Variants in NFATC2IP observed in about 807,000 individuals in gnomAD.
NFATC2IP encodes the protein nuclear factor of activated T cells 2 interacting protein, also known as NFATC2-interacting protein.
A neutral mutation model predicts 40.2 loss-of-function variants in NFATC2IP; 25 were observed. The ratio of observed to expected loss-of-function variants is 0.62; its 90% CI spans 0.45 to 0.87. NFATC2IP has a LOEUF of 0.87. NFATC2IP is among the 40% of genes least tolerant of loss of function. The pLI is 0.00. For missense variants in NFATC2IP, 553 were observed against 555.6 expected (o/e 1.00, Z 0.05); for synonymous variants, 241 against 236.3 (o/e 1.02, Z -0.18).
rs763388614 is a variant in NFATC2IP, at chr16:28,952,093, G to T, written c.388-39G>T. 4 of 1,612,886 alleles carry T rather than the reference G, an allele frequency of 2.5e-6. No homozygotes were observed. The South Asian group carries it at 4.4e-5, about 18-fold the overall frequency. ...CAATTTTTTCTTTCGGTAGGGGAAGGACTTGGGCCTGACCCCTCTCCCTTC... is the reference window on the plus strand; with the variant it reads ...CAATTTTTTCTTTCGGTAGGGGAAGTACTTGGGCCTGACCCCTCTCCCTTC... On this transcript the variant is annotated intron_variant, in intron 1 of 7. Transcript: ENST00000320805.
chr16:28,961,761 A>G (rs1308812173), intron 7 of NFATC2IP, among the ~76,000 whole-genome samples: 1 of 151,916 alleles, frequency 6.6e-6, no homozygotes, highest in Non-Finnish European at 1.5e-5. Flanking sequence ...TTAGCCGGGC[A>G]TGGTGGCATG....
chr16:28,956,535 CTCTT>C (rs1965024299), intron 5 of NFATC2IP, 198 bp downstream of exon 5: 4 of 574,604 alleles, frequency 7.0e-6, no homozygotes, highest in Non-Finnish European at 1.2e-5. Flanking sequence ...ACGCTCCCCT[CTCTT>C]TCTGGCAAAC....
chr16:28,961,901 A>G (rs1263077680), intron 7 of NFATC2IP, among the ~76,000 whole-genome samples: 1 of 114,672 alleles, frequency 8.7e-6, no homozygotes, highest in African/African-American at 6.4e-5. Flanking sequence ...CTTCGTCTCA[A>G]AAAAAAAAAA....
chr16:28,957,277 C>T (rs1195955291), intron 5 of NFATC2IP, among the ~76,000 whole-genome samples: 3 of 151,806 alleles, frequency 2.0e-5, no homozygotes, highest in Non-Finnish European at 4.4e-5. Context: ...CAAGTGTTCC[C>T]CTGTCTCAGC....
chr16:28,960,711 G>A (rs1024244691), intron 7 of NFATC2IP, among the ~76,000 whole-genome samples: 4 of 152,084 alleles, frequency 2.6e-5, no homozygotes, highest in South Asian at 4.1e-4. Context: ...CTCCCCAGGC[G>A]GCTGAGGCAG....
At position 28,958,792 on chromosome 16, in the gene NFATC2IP, T is replaced by A. The variant is rs1228685550; in HGVS notation, c.922T>A (p.Phe308Ile). 6.8e-6 allele frequency: 11 copies of A among 1,613,918 alleles called. No individual in the cohort carries two copies. In the South Asian group the frequency reaches 1.1e-4, roughly 16 times the overall value. The change falls in exon 6 of 8, where the codon TTT becomes ATT. Residue 308 changes from phenylalanine to isoleucine, a missense_variant. Physicochemically the swap from Phe to Ile is conservative, Grantham distance 21. Transcript: ENST00000320805. ...GTCCCCAAGCAGGATCCTTTTGCTT[T>A]TTGGAGAGACAGAGCTATCACCTAC... ...GVSPSRILLL[F>I]GETELSPTAT...
chr16:28,963,746 C>T lies in NFATC2IP; in HGVS notation c.1143C>T (p.Ala381=). ...LKTLMSHYEE[A]MGLSGRKLSF... The stretch of plus-strand genomic sequence containing the variant: ...CCCTCATGTCCCACTATGAGGAGGC[C>T]ATGGGACTGTCGGGACGGAAGCTCT... Residue 381 remains alanine, a synonymous_variant, in exon 8 of 8, where the codon GCC becomes GCT. Transcript: ENST00000320805. The T allele has an allele frequency of 6.2e-7, 1 of 1,613,984 alleles. No homozygotes were observed. Among genetic ancestry groups the T allele is most frequent in the Non-Finnish European group, 8.5e-7 (1 of 1,179,822 alleles).
chr16:28,957,269 A>G (rs1040440920), intron 5 of NFATC2IP, among the ~76,000 whole-genome samples: 1 of 151,806 alleles, frequency 6.6e-6, no homozygotes. Flanking sequence ...CCTGATCTCA[A>G]GTGTTCCCCT....
intron 2 of NFATC2IP, 91 bp from the exon 3 acceptor site, chr16:28,954,474 G>A: frequency 1.3e-6 from 1 of 785,646 alleles, no homozygotes; most frequent in Non-Finnish European, 2.1e-6. Context: ...CCTTTCCTAG[G>A]ACCTTCTTGA....
rs751067502 is a variant in NFATC2IP at position 28,959,139 on chromosome 16, T to C, written c.1101+39T>C. 4.0e-6 allele frequency: 5 copies of C among 1,253,982 alleles called. No individual in the cohort carries two copies. In the South Asian group the frequency reaches 6.0e-5, roughly 15 times the overall value. 77.7% of individuals were successfully genotyped at this position (1,253,982 alleles called of 1,614,324 possible). A position where few individuals can be genotyped will look rare whatever the true frequency, so the allele number is the denominator to read the frequency against. On this transcript the variant is annotated intron_variant, in intron 7 of 7. Coordinates refer to ENST00000320805, the MANE Select transcript of NFATC2IP (RefSeq NM_032815.4). ...ATGGCTCTCCACGCCCCTCACCCTG[T>C]CCTCTGCTGCCTCTTGTCTCTCTTG...
At chr16:28,958,898 T>C in intron 6 of NFATC2IP, 37 bp downstream of exon 6, 1 of 1,612,148 alleles carries the variant, frequency 6.2e-7, no homozygotes, top group Non-Finnish European at 8.5e-7. Context: ...CTTGAGGCAT[T>C]TGCCAGGGGA....
Position 28,950,960 on chromosome 16 carries a change from G to A in NFATC2IP, c.-52G>A, listed in dbSNP as rs1964956219. On this transcript the variant is annotated 5_prime_UTR_variant, in exon 1 of 8. Transcript: ENST00000320805. ...AATGCAAGGCGAAAGTCGCTGAAGG[G>A]GGCGGGGCGAGGCGAGAGGAGGCGG... The A allele has an allele frequency of 1.4e-6, 2 of 1,435,908 alleles. No individual in the cohort carries two copies. The highest frequency in any genetic ancestry group is 3.0e-5 in the South Asian group (2 of 67,562). The allele number at this position is 1,435,908 out of a possible 1,614,324, so 88.9% of individuals were successfully genotyped here. A position where few individuals can be genotyped will look rare whatever the true frequency, so the allele number is the denominator to read the frequency against.
chr16:28,952,236 G>A (rs746617854), intron 2 of NFATC2IP, 32 bp downstream of exon 2: 2 of 1,612,576 alleles, frequency 1.2e-6, no homozygotes, highest in Non-Finnish European at 1.7e-6. Flanking sequence ...GAGGCACGCA[G>A]CCGCTGGCTT....
rs1452214178 is a variant in NFATC2IP, at chr16:28,956,148, C to T, written c.660-3C>T. On this transcript the variant is annotated splice_region_variant and splice_polypyrimidine_tract_variant and intron_variant, in intron 4 of 7. Transcript: ENST00000320805. Reference sequence around the variant, plus strand: ...TTGACCCAGAGTCCTGTCTGCACTGCAGTGAGGTGAACAAGCGCCTCCAGG... The same window carrying T: ...TTGACCCAGAGTCCTGTCTGCACTGTAGTGAGGTGAACAAGCGCCTCCAGG... 3.7e-6 allele frequency: 6 copies of T among 1,614,004 alleles called. No individual in the cohort carries two copies. Among genetic ancestry groups the T allele is most frequent in the Non-Finnish European group, 5.1e-6 (6 of 1,179,944 alleles).
chr16:28,955,884 C>T (rs1965014891), intron 3 of NFATC2IP, 94 bp from the exon 4 acceptor site: 15 of 1,025,986 alleles, frequency 1.5e-5, no homozygotes, highest in Admixed American at 7.3e-5. Context: ...CCATTGCGTC[C>T]GACTATGCTT....
chr16:28,964,152 C>G lies in NFATC2IP; in HGVS notation c.*289C>G, dbSNP rs922970799. 17 of 376,944 alleles carry G rather than the reference C, an allele frequency of 4.5e-5. No homozygotes were observed. The highest frequency in any genetic ancestry group is 9.8e-6 in the Non-Finnish European group (2 of 203,256). The allele number at this position is 376,944 out of a possible 1,614,324, so 23.3% of individuals were successfully genotyped here. ...TGTCCCTTCACCCCTCCCCTTTCACCACCATCCTCTTTTCCTCATGGAAAT... is the reference window on the plus strand; with the variant it reads ...TGTCCCTTCACCCCTCCCCTTTCACGACCATCCTCTTTTCCTCATGGAAAT... On this transcript the variant is annotated 3_prime_UTR_variant, in exon 8 of 8. Transcript: ENST00000320805.
At chr16:28,953,601 C>T (rs1461288759) in intron 2 of NFATC2IP, among the ~76,000 whole-genome samples, 5 of 152,134 alleles carry the variant, frequency 3.3e-5, no homozygotes, top group African/African-American at 7.2e-5. Context: ...CCATATATGG[C>T]ATCCGTTGGA....
In NFATC2IP at chr16:28,963,980, T is replaced by A; in HGVS notation, c.*117T>A. 2.1e-6 allele frequency: 2 copies of A among 956,682 alleles called. No individual in the cohort carries two copies. Among genetic ancestry groups the A allele is most frequent in the Non-Finnish European group, 3.1e-6 (2 of 643,362 alleles). The allele number at this position is 956,682 out of a possible 1,614,324, so 59.3% of individuals were successfully genotyped here. On this transcript the variant is annotated 3_prime_UTR_variant, in exon 8 of 8. Transcript: ENST00000320805. Reference sequence around the variant, plus strand: ...AACTTATCTTTAAGCTGCAGCAAAATCAAGGAGTGACTTTTGTCCCCTCTC... The same window carrying A: ...AACTTATCTTTAAGCTGCAGCAAAAACAAGGAGTGACTTTTGTCCCCTCTC...
intron 7 of NFATC2IP, among the ~76,000 whole-genome samples, chr16:28,959,967 T>C (rs1374951501): frequency 6.6e-6 from 1 of 152,144 alleles, no homozygotes; most frequent in African/African-American, 2.4e-5. Flanking sequence ...AGCCTAGAAG[T>C]CTGAATTGAA....
Sources: allele counts gnomAD v4.1 joint callset (sites outside exome capture counted in the v4.1 genomes callset), GRCh38; gene constraint gnomAD v4.1.1; transcripts MANE v1.5; gene names NCBI Gene and HGNC (gene_info 2026-07-23, HGNC 2026-07-21).